Variants in ARFGEF3 observed in about 807,000 individuals in gnomAD.
ARFGEF3 encodes the protein ARFGEF family member 3, also known as brefeldin A-inhibited guanine nucleotide-exchange protein 3.
Under a neutral mutation model 221.7 loss-of-function variants are expected in ARFGEF3, and 96 were observed. The observed-to-expected ratio is 0.43, with a 90% CI of 0.37 to 0.51. The LOEUF (loss-of-function observed/expected upper bound fraction) is 0.51, where lower values mean the gene tolerates loss of function less well. Among genes scored for constraint, ARFGEF3 ranks in the 20% least tolerant of loss-of-function variants. The pLI is 0.00. For synonymous variants in ARFGEF3, 1,145 were observed against 1,126.8 expected (o/e 1.02, Z -0.32); for missense variants, 2,410 against 2,789.9 (o/e 0.86, Z 3.07).
At chr6:138,255,310 T>C in intron 9 of ARFGEF3, 126 bp from the exon 10 acceptor site, 1 of 633,052 alleles carries the variant, frequency 1.6e-6, no homozygotes, top group Non-Finnish European at 2.7e-6. Flanking sequence ...ACAGGCAAAA[T>C]GTAGCCAAAA....
Position 138,263,280 on chromosome 6 carries a change from T to C in ARFGEF3, c.1797T>C (p.Asp599=). 6.2e-7 allele frequency: 1 copy of C among 1,613,998 alleles called. No individual in the cohort carries two copies. The highest frequency in any genetic ancestry group is 1.1e-5 in the South Asian group (1 of 91,084). Residue 599 remains aspartate, a synonymous_variant, in exon 12 of 34, where the codon GAT becomes GAC. Coordinates refer to ENST00000251691, the MANE Select transcript of ARFGEF3 (RefSeq NM_020340.5). Reference sequence around the variant, plus strand: ...ATAGTGAGAGCAATTTTAGCGTTGATGACCAAGACCTTTCTAGGACAGAGT... The same window carrying C: ...ATAGTGAGAGCAATTTTAGCGTTGACGACCAAGACCTTTCTAGGACAGAGT... ...SRYSESNFSV[D]DQDLSRTEFD...
At chr6:138,308,619 C>T in intron 23 of ARFGEF3, 120 bp from the exon 24 acceptor site, 1 of 1,109,054 alleles carries the variant, frequency 9.0e-7, no homozygotes, top group Non-Finnish European at 1.3e-6. Flanking sequence ...ACCCAGGCAT[C>T]TCCCCAGTAG....
intron 22 of ARFGEF3, among the ~76,000 whole-genome samples, chr6:138,303,114 T>C (rs185069777): frequency 2.6e-5 from 4 of 152,308 alleles, no homozygotes; most frequent in Admixed American, 1.3e-4. Context: ...GGATGGGAAA[T>C]GGAGCTATAT....
intron 24 of ARFGEF3, 101 bp downstream of exon 24, chr6:138,308,962 C>A (rs370433092): frequency 5.0e-6 from 7 of 1,401,488 alleles, no homozygotes; most frequent in Non-Finnish European, 7.0e-6. Flanking sequence ...GGAACAAGCA[C>A]GCATCCTGGG....
intron 22 of ARFGEF3, 84 bp downstream of exon 22, chr6:138,298,869 A>C: frequency 1.0e-6 from 1 of 987,984 alleles, no homozygotes; most frequent in Non-Finnish European, 1.5e-6. Flanking sequence ...TCGCACACTT[A>C]CTCTTTCCAA....
intron 31 of ARFGEF3, among the ~76,000 whole-genome samples, chr6:138,325,423 C>T (rs950564213): frequency 2.0e-5 from 3 of 152,230 alleles, no homozygotes; most frequent in African/African-American, 7.2e-5. Context: ...CTGCTGAACA[C>T]ATGCCTGACA....
At chr6:138,264,101 A>G (rs1245284279) in intron 12 of ARFGEF3, among the ~76,000 whole-genome samples, 2 of 152,212 alleles carry the variant, frequency 1.3e-5, no homozygotes, top group African/African-American at 2.4e-5. Context: ...ATAGTCTAGT[A>G]TAGCTTGGTA....
intron 2 of ARFGEF3, among the ~76,000 whole-genome samples, chr6:138,173,151 T>G (rs921649387): frequency 7.3e-6 from 1 of 136,754 alleles, no homozygotes; most frequent in Non-Finnish European, 1.6e-5. Flanking sequence ...AGAGTTCACC[T>G]TTTTTTTTGA....
At chr6:138,209,394 A>C (rs1777680177) in intron 3 of ARFGEF3, among the ~76,000 whole-genome samples, 1 of 152,298 alleles carries the variant, frequency 6.6e-6, no homozygotes, top group Non-Finnish European at 1.5e-5. Flanking sequence ...ACTTAGAATG[A>C]ATAATCCAAT....
chr6:138,327,670 A>G (rs932446417), intron 31 of ARFGEF3, among the ~76,000 whole-genome samples: 2 of 151,968 alleles, frequency 1.3e-5, no homozygotes, highest in Non-Finnish European at 2.9e-5. Context: ...GATACCAAAG[A>G]CTCAAAAATC....
chr6:138,181,653 A>C (rs1038366629), intron 2 of ARFGEF3, among the ~76,000 whole-genome samples: 3 of 152,182 alleles, frequency 2.0e-5, no homozygotes, highest in Non-Finnish European at 2.9e-5. Flanking sequence ...CGTGTTGGCC[A>C]GGCTGGTTTC....
chr6:138,279,937 C>G (rs1779166408), intron 13 of ARFGEF3, 62 bp from the exon 14 acceptor site: 13 of 1,552,400 alleles, frequency 8.4e-6, no homozygotes, highest in Admixed American at 1.7e-5. Context: ...AGCAGAGGCA[C>G]TTAGGAGCCT....
intron 26 of ARFGEF3, among the ~76,000 whole-genome samples, chr6:138,316,591 C>G (rs1021381934): frequency 2.0e-5 from 3 of 152,168 alleles, no homozygotes; most frequent in Non-Finnish European, 4.4e-5. Context: ...GGCAAATCCT[C>G]AACATAGCAT....
intron 2 of ARFGEF3, among the ~76,000 whole-genome samples, chr6:138,195,241 TG>T (rs1777392630): frequency 6.6e-6 from 1 of 152,070 alleles, no homozygotes; most frequent in South Asian, 2.1e-4. Context: ...TGACCTCAGA[TG>T]ATCTGCCCTC....
chr6:138,173,365 G>A, intron 2 of ARFGEF3, among the ~76,000 whole-genome samples: 1 of 152,258 alleles, frequency 6.6e-6, no homozygotes, highest in South Asian at 2.1e-4. Context: ...ATAAGTAAAA[G>A]AGTTTGATAA....
chr6:138,186,661 G>A (rs1777189821), intron 2 of ARFGEF3, among the ~76,000 whole-genome samples: 1 of 152,182 alleles, frequency 6.6e-6, no homozygotes, highest in Admixed American at 6.5e-5. Flanking sequence ...TGTCACTGAG[G>A]AGAAGGCTGC....
At chr6:138,197,436 A>C (rs1777450755) in intron 2 of ARFGEF3, among the ~76,000 whole-genome samples, 1 of 152,220 alleles carries the variant, frequency 6.6e-6, no homozygotes, top group East Asian at 1.9e-4. Context: ...AAATACATAA[A>C]TGAGTAACAT....
chr6:138,284,559 G>A (rs538311900), intron 14 of ARFGEF3, among the ~76,000 whole-genome samples: 4 of 152,034 alleles, frequency 2.6e-5, no homozygotes, highest in Non-Finnish European at 5.9e-5. Flanking sequence ...TCCTTTCCTC[G>A]CCATAACGTT....
At chr6:138,313,654 C>A in intron 25 of ARFGEF3, 141 bp from the exon 26 acceptor site, 1 of 711,758 alleles carries the variant, frequency 1.4e-6, no homozygotes, top group South Asian at 2.0e-5. Context: ...CCTTATAAAT[C>A]CAAATCACGA....
Sources: allele counts gnomAD v4.1 joint callset (sites outside exome capture counted in the v4.1 genomes callset), GRCh38; gene constraint gnomAD v4.1.1; transcripts MANE v1.5; gene names NCBI Gene and HGNC (gene_info 2026-07-23, HGNC 2026-07-21).